ZNF891: variants seen among roughly 807,000 people sequenced by gnomAD.
The protein encoded by ZNF891 is zinc finger protein 891.
For missense variants in ZNF891, 589 were observed against 632.7 expected (o/e 0.93, Z 0.74); for synonymous variants, 199 against 209.0 (o/e 0.95, Z 0.41).
In ZNF891 at chr12:133,118,817, T is replaced by C. The variant is rs1955730359; in HGVS notation, c.*1467A>G. 1 of 152,200 alleles carries C rather than the reference T, an allele frequency of 6.6e-6. No homozygotes were observed. Among genetic ancestry groups the C allele is most frequent in the African/African-American group, 2.4e-5 (1 of 41,448 alleles). The allele number at this position is 152,200 out of a possible 1,614,324, so 9.4% of individuals were successfully genotyped here. On this transcript the variant is annotated 3_prime_UTR_variant, in exon 2 of 2. Coordinates refer to ENST00000537226, the MANE Select transcript of ZNF891 (RefSeq NM_001277291.2). ...ATTCCTTTTCCATACTTTTTTTCTA[T>C]GTTCCTCTTCAAATGTGTACATCCA...
chr12:133,121,129 G>A lies in ZNF891; in HGVS notation c.790C>T (p.Gln264Ter), dbSNP rs1311923220. The change falls in exon 2 of 2, where the codon CAA becomes TAA. Residue 264 changes from glutamine to a stop codon, truncating the protein, a stop_gained. Transcript: ENST00000537226. LOFTEE classifies it low-confidence loss of function (END_TRUNC). ...LWHFQRNQTV[Q>*]KEYTYSKHGM... is the part of the protein sequence containing the mutation. Reference sequence around the variant, plus strand: ...TGTTTAGAATATGTGTACTCTTTTTGTACTGTTTGATTTCTCTGAAAATGC... The same window carrying A: ...TGTTTAGAATATGTGTACTCTTTTTATACTGTTTGATTTCTCTGAAAATGC... 6 of 1,535,252 alleles carry A rather than the reference G, an allele frequency of 3.9e-6. No individual in the cohort carries two copies. In the Admixed American group the frequency reaches 9.8e-5, roughly 25 times the overall value.
rs1360956239 is a variant in ZNF891, at chr12:133,118,432, A to C, written c.*1852T>G. 1 of 152,256 alleles carries C rather than the reference A, an allele frequency of 6.6e-6. No homozygotes were observed. Among genetic ancestry groups the C allele is most frequent in the Middle Eastern group, 3.4e-3 (1 of 294 alleles). The allele number at this position is 152,256 out of a possible 1,614,324, so 9.4% of individuals were successfully genotyped here. A position where few individuals can be genotyped will look rare whatever the true frequency, so the allele number is the denominator to read the frequency against. ...CTTTACTGATGTCACTACAATTTAT[A>C]TCTCTATCTAGACACCTCCTCAATT... On this transcript the variant is annotated 3_prime_UTR_variant, in exon 2 of 2. Transcript: ENST00000537226.
In ZNF891 at chr12:133,120,056, C is replaced by T. The variant is rs1465214125; in HGVS notation, c.*228G>A. On this transcript the variant is annotated 3_prime_UTR_variant, in exon 2 of 2. Coordinates refer to ENST00000537226, the MANE Select transcript of ZNF891 (RefSeq NM_001277291.2). Reference sequence around the variant, plus strand: ...GAACACAATGGAATTAACCTAGAAACCAACAATAAAAAGATAACTGAAAAT... The same window carrying T: ...GAACACAATGGAATTAACCTAGAAATCAACAATAAAAAGATAACTGAAAAT... 11 of 398,566 alleles carry T rather than the reference C, an allele frequency of 2.8e-5. No homozygotes were observed. The East Asian group carries it at 4.2e-4, about 15-fold the overall frequency. 24.7% of individuals were successfully genotyped at this position (398,566 alleles called of 1,614,324 possible).
In ZNF891 at chr12:133,105,232, T is replaced by C. The variant is rs892392466; in HGVS notation, c.*15052A>G. The stretch of plus-strand genomic sequence containing the variant: ...CCGTTTAAATGGTGGTGAAGAAGAC[T>C]AGCAACCTATCCTTCACAAATATTT... On this transcript the variant is annotated 3_prime_UTR_variant, in exon 2 of 2. Transcript: ENST00000537226. 5.3e-5 allele frequency among the ~76,000 whole-genome samples: 8 copies of C among 152,232 alleles called. No individual in the cohort carries two copies. Among genetic ancestry groups the C allele is most frequent in the African/African-American group, 1.9e-4 (8 of 41,450 alleles).
rs1215455454 is a variant in ZNF891 at position 133,120,930 on chromosome 12, T to C, written c.989A>G (p.Lys330Arg). The change falls in exon 2 of 2, where the codon AAA becomes AGA. Residue 330 changes from lysine (K) to arginine (R), a missense_variant. Lys to Arg is a conservative substitution (Grantham distance 26, BLOSUM62 2). Transcript: ENST00000537226. ...GTATAAAGTAAGATTAGAAATCCTT[T>C]TGAAGGCTTTTCCACATTGATTGCA... ...HECNQCGKAFKRISNLTLYKK... is the reference protein window; with the variant it reads ...HECNQCGKAFRRISNLTLYKK... 4.6e-6 allele frequency: 7 copies of C among 1,536,404 alleles called. No homozygotes were observed. The highest frequency in any genetic ancestry group is 1.4e-5 in the African/African-American group (1 of 73,052).
chr12:133,120,790 C>A lies in ZNF891; in HGVS notation c.1129G>T (p.Glu377Ter). Residue 377 changes from glutamate to a stop codon, truncating the protein, a stop_gained, in exon 2 of 2, where the codon GAA becomes TAA. Coordinates refer to ENST00000537226, the MANE Select transcript of ZNF891 (RefSeq NM_001277291.2). LOFTEE classifies it low-confidence loss of function (END_TRUNC). ...AAAGCTTTTCCACATTGATTACATT[C>A]ATAGGGTTTCTCTCCAGTGTGAGTT... ...VRTHTGEKPY[E>*]CNQCGKAFSQ... 1 of 1,570,324 alleles carries A rather than the reference C, an allele frequency of 6.4e-7. No individual in the cohort carries two copies. Among genetic ancestry groups the A allele is most frequent in the Non-Finnish European group, 8.6e-7 (1 of 1,158,578 alleles).
At position 133,110,211 on chromosome 12, in the gene ZNF891, G is replaced by GACAATAGC. The variant is rs1955672892; in HGVS notation, c.*10065_*10072dup. 2.0e-5 allele frequency: 3 copies of GACAATAGC among 152,122 alleles called. No homozygotes were observed. Among genetic ancestry groups the GACAATAGC allele is most frequent in the African/African-American group, 7.2e-5 (3 of 41,436 alleles). 9.4% of individuals were successfully genotyped at this position (152,122 alleles called of 1,614,324 possible). On this transcript the variant is annotated 3_prime_UTR_variant, in exon 2 of 2. Transcript: ENST00000537226. The stretch of plus-strand genomic sequence containing the variant: ...TAAAATACACCGAAGTAAATAGCAC[G>GACAATAGC]ACAATAGCACAAGAAAGGAGGGAGA...
Position 133,106,794 on chromosome 12 carries a change from C to A in ZNF891, c.*13490G>T. 1 of 684,992 alleles carries A rather than the reference C, an allele frequency of 1.5e-6. No homozygotes were observed. Among genetic ancestry groups the A allele is most frequent in the Non-Finnish European group, 2.2e-6 (1 of 461,256 alleles). 42.4% of individuals were successfully genotyped at this position (684,992 alleles called of 1,614,324 possible). On this transcript the variant is annotated 3_prime_UTR_variant, in exon 2 of 2. Coordinates refer to ENST00000537226, the MANE Select transcript of ZNF891 (RefSeq NM_001277291.2). ...TATGGCCCACACTTTATTCACCACC[C>A]TGGAGAAAAAAAAACCCAGGAATAT...
chr12:133,121,620 A>C lies in ZNF891; in HGVS notation c.299T>G (p.Ile100Arg). The change falls in exon 2 of 2, where the codon ATA becomes AGA. Residue 100 changes from isoleucine (I) to arginine (R), a missense_variant. Coordinates refer to ENST00000537226, the MANE Select transcript of ZNF891 (RefSeq NM_001277291.2). ...TVISPLDQEE[I>R]RNMKKRIPQA... ...GGGAATTCTCTTTTTCATATTCCTTATCTCTTCTTGATCCAATGGGGAGAT... is the reference window on the plus strand; with the variant it reads ...GGGAATTCTCTTTTTCATATTCCTTCTCTCTTCTTGATCCAATGGGGAGAT... 6.5e-7 allele frequency: 1 copy of C among 1,536,376 alleles called. No individual in the cohort carries two copies. Among genetic ancestry groups the C allele is most frequent in the South Asian group, 1.2e-5 (1 of 84,064 alleles).
At position 133,120,553 on chromosome 12, in the gene ZNF891, C is replaced by T. The variant is rs375200230; in HGVS notation, c.1366G>A (p.Gly456Arg). Residue 456 changes from glycine to arginine, a missense_variant, in exon 2 of 2, where the codon GGA becomes AGA. Gly to Arg is a moderately radical substitution (Grantham distance 125). Transcript: ENST00000537226. ...HLKVHKKIHT[G>R]ENVYECSDCG... ...TCACTGCATTCATAAACATTCTCTCCGGTATGAATTTTCTTATGAACTTTA... is the reference window on the plus strand; with the variant it reads ...TCACTGCATTCATAAACATTCTCTCTGGTATGAATTTTCTTATGAACTTTA... 18 of 1,561,736 alleles carry T rather than the reference C, an allele frequency of 1.2e-5. No homozygotes were observed. Among genetic ancestry groups the T allele is most frequent in the Admixed American group, 5.8e-5 (3 of 52,136 alleles).
At position 133,104,942 on chromosome 12, in the gene ZNF891, C is replaced by A. The variant is rs1286039435; in HGVS notation, c.*15342G>T. Among the ~76,000 whole-genome samples, 3 of 152,084 alleles carry A rather than the reference C, an allele frequency of 2.0e-5. No homozygotes were observed. The highest frequency in any genetic ancestry group is 2.9e-5 in the Non-Finnish European group (2 of 68,024). ...AATAGTCAGGTTTTTAATCCTTACC[C>A]TCCTCCCACATTCCACCCTCAAATA... On this transcript the variant is annotated 3_prime_UTR_variant, in exon 2 of 2. Coordinates refer to ENST00000537226, the MANE Select transcript of ZNF891 (RefSeq NM_001277291.2).
In ZNF891 at chr12:133,115,162, G is replaced by A. The variant is rs1311786944; in HGVS notation, c.*5122C>T. On this transcript the variant is annotated 3_prime_UTR_variant, in exon 2 of 2. Transcript: ENST00000537226. ...CAATCCCAACAATTTGGGAGGCTGA[G>A]GCAGGCGGATCACCTGAGGTTAGGA... The A allele has an allele frequency of 1.3e-5, 2 of 152,112 alleles. No homozygotes were observed. The highest frequency in any genetic ancestry group is 6.5e-5 in the Admixed American group (1 of 15,270). 9.4% of individuals were successfully genotyped at this position (152,112 alleles called of 1,614,324 possible).
intron 1 of ZNF891, among the ~76,000 whole-genome samples, chr12:133,128,316 T>C (rs914610861): frequency 1.3e-5 from 2 of 152,046 alleles, no homozygotes; most frequent in African/African-American, 4.8e-5. Flanking sequence ...TAAAGAGTAG[T>C]AAATTAATTA....
In ZNF891 at chr12:133,121,937, T is replaced by C. The variant is rs915916377; in HGVS notation, c.-19A>G. On this transcript the variant is annotated 5_prime_UTR_variant, in exon 2 of 2. Coordinates refer to ENST00000537226, the MANE Select transcript of ZNF891 (RefSeq NM_001277291.2). Reference sequence around the variant, plus strand: ...CTGCCATTTTATGAGTACATAAGCCTGCACAGTAGAGTAGAGAGATCAGGA... The same window carrying C: ...CTGCCATTTTATGAGTACATAAGCCCGCACAGTAGAGTAGAGAGATCAGGA... The C allele has an allele frequency of 1.3e-6, 2 of 1,518,142 alleles. No individual in the cohort carries two copies. Among genetic ancestry groups the C allele is most frequent in the African/African-American group, 2.8e-5 (2 of 72,656 alleles). 94.0% of individuals were successfully genotyped at this position (1,518,142 alleles called of 1,614,324 possible). A position where few individuals can be genotyped will look rare whatever the true frequency, so the allele number is the denominator to read the frequency against.
At position 133,105,763 on chromosome 12, in the gene ZNF891, A is replaced by G; in HGVS notation, c.*14521T>C. 6.2e-7 allele frequency: 1 copy of G among 1,614,176 alleles called. No individual in the cohort carries two copies. The highest frequency in any genetic ancestry group is 1.6e-4 in the Middle Eastern group (1 of 6,062). On this transcript the variant is annotated 3_prime_UTR_variant, in exon 2 of 2. Transcript: ENST00000537226. Reference sequence around the variant, plus strand: ...TCAGTACTGTGGAGAGGCCCTATGGATGCCATGAATGTGGAAAAACTTTTG... The same window carrying G: ...TCAGTACTGTGGAGAGGCCCTATGGGTGCCATGAATGTGGAAAAACTTTTG...
chr12:133,120,808 T>G lies in ZNF891; in HGVS notation c.1111A>C (p.Thr371Pro), dbSNP rs1259181511. The G allele has an allele frequency of 1.3e-6, 2 of 1,568,286 alleles. No homozygotes were observed. The highest frequency in any genetic ancestry group is 1.7e-6 in the Non-Finnish European group (2 of 1,157,958). ...STLRRHVRTH[T>P]GEKPYECNQC... Reference sequence around the variant, plus strand: ...TTACATTCATAGGGTTTCTCTCCAGTGTGAGTTCTTACATGTCTCCTTAAG... The same window carrying G: ...TTACATTCATAGGGTTTCTCTCCAGGGTGAGTTCTTACATGTCTCCTTAAG... The change falls in exon 2 of 2, where the codon ACT becomes CCT. Residue 371 changes from threonine (T) to proline (P), a missense_variant. Thr to Pro is a conservative substitution (Grantham distance 38). Coordinates refer to ENST00000537226, the MANE Select transcript of ZNF891 (RefSeq NM_001277291.2).
Position 133,121,805 on chromosome 12 carries a change from C to T in ZNF891, c.114G>A (p.Trp38Ter), listed in dbSNP as rs971577493. 6.5e-7 allele frequency: 1 copy of T among 1,536,662 alleles called. No homozygotes were observed. Among genetic ancestry groups the T allele is most frequent in the Non-Finnish European group, 8.7e-7 (1 of 1,147,024 alleles). Residue 38 changes from tryptophan to a stop codon, truncating the protein, a stop_gained, in exon 2 of 2, where the codon TGG (tryptophan) becomes TGA (stop). Transcript: ENST00000537226. LOFTEE classifies it low-confidence loss of function (END_TRUNC). ...CTTTGAAAGTCATTGGTTCCTGTAACCAGGTTGTCAGAAATACAGCAATCA... is the reference window on the plus strand; with the variant it reads ...CTTTGAAAGTCATTGGTTCCTGTAATCAGGTTGTCAGAAATACAGCAATCA... ...ERMIAVFLTT[W>*]LQEPMTFKDV... is the part of the protein sequence containing the mutation.
rs1204324235 is a variant in ZNF891, at chr12:133,106,867, G to C, written c.*13417C>G. 1 of 408,206 alleles carries C rather than the reference G, an allele frequency of 2.4e-6. No individual in the cohort carries two copies. The highest frequency in any genetic ancestry group is 2.1e-5 in the African/African-American group (1 of 48,292). The allele number at this position is 408,206 out of a possible 1,614,324, so 25.3% of individuals were successfully genotyped here. On this transcript the variant is annotated 3_prime_UTR_variant, in exon 2 of 2. Transcript: ENST00000537226. Reference sequence around the variant, plus strand: ...CTCTTTTATTTTTTTGCAATAACAAGGTGAAATCAATATTGTTGAGAAGAT... The same window carrying C: ...CTCTTTTATTTTTTTGCAATAACAACGTGAAATCAATATTGTTGAGAAGAT...
At position 133,114,159 on chromosome 12, in the gene ZNF891, A is replaced by T. The variant is rs1955703005; in HGVS notation, c.*6125T>A. 1 of 152,220 alleles carries T rather than the reference A, an allele frequency of 6.6e-6. No individual in the cohort carries two copies. The highest frequency in any genetic ancestry group is 2.1e-4 in the South Asian group (1 of 4,830). The allele number at this position is 152,220 out of a possible 1,614,324, so 9.4% of individuals were successfully genotyped here. ...ATGAACACTTGCTCTACAAAAAATA[A>T]GTCTGTGTAGTGAATGGGGTGGTGG... is the stretch of plus-strand genomic sequence containing the variant. On this transcript the variant is annotated 3_prime_UTR_variant, in exon 2 of 2. Transcript: ENST00000537226.
Sources: gnomAD v4.1 joint callset for allele counts (sites outside exome capture counted in the v4.1 genomes callset) on GRCh38, gnomAD v4.1.1 for gene constraint, MANE v1.5 for transcripts, NCBI Gene and HGNC (gene_info 2026-07-23, HGNC 2026-07-21) for gene names.